Variants in LRRC8D observed in about 807,000 individuals in gnomAD.
The protein encoded by LRRC8D is volume-regulated anion channel subunit LRRC8D.
A neutral mutation model predicts 55.8 loss-of-function variants in LRRC8D; 20 were observed. The ratio of observed to expected loss-of-function variants is 0.36; its 90% confidence interval spans 0.25 to 0.52. LRRC8D has a LOEUF of 0.52. Among genes scored for constraint, LRRC8D ranks in the 20% least tolerant of loss-of-function variants. The pLI, the probability that LRRC8D is intolerant of heterozygous loss-of-function variation, is 0.93. For synonymous variants in LRRC8D, 352 were observed against 377.0 expected (o/e 0.93, Z 0.77); for missense variants, 651 against 1,030.8 (o/e 0.63, Z 5.05).
At chr1:89,844,015 G>A (rs1570813046) in intron 2 of LRRC8D, among the ~76,000 whole-genome samples, 1 of 152,244 alleles carries the variant, frequency 6.6e-6, no homozygotes, top group African/African-American at 2.4e-5. Context: ...ACTCCACTAG[G>A]GCGCTTTCCA....
At chr1:89,928,576 T>C (rs147456413) in intron 2 of LRRC8D, among the ~76,000 whole-genome samples, 238 of 152,284 alleles carry the variant, frequency 1.6e-3, no homozygotes, top group Non-Finnish European at 2.8e-3. Flanking sequence ...GGAGTGGTCA[T>C]GTGCTGTCTG....
intron 1 of LRRC8D, among the ~76,000 whole-genome samples, chr1:89,825,502 G>A (rs547666978): frequency 2.0e-5 from 3 of 152,154 alleles, no homozygotes; most frequent in Non-Finnish European, 4.4e-5. Context: ...TTTGAAATTT[G>A]TGAGAAGATA....
chr1:89,877,129 A>C (rs1438020777), intron 2 of LRRC8D, among the ~76,000 whole-genome samples: 1 of 152,254 alleles, frequency 6.6e-6, no homozygotes, highest in Non-Finnish European at 1.5e-5. Flanking sequence ...AAATATGACA[A>C]GGGTCTGCTT....
intron 2 of LRRC8D, among the ~76,000 whole-genome samples, chr1:89,916,291 C>T (rs1255371907): frequency 6.6e-6 from 1 of 152,166 alleles, no homozygotes; most frequent in East Asian, 1.9e-4. Flanking sequence ...TTGTTATTTT[C>T]ATAAGAGCTG....
chr1:89,863,815 A>G (rs193066424), intron 2 of LRRC8D, among the ~76,000 whole-genome samples: 310 of 152,302 alleles, frequency 2.0e-3, no homozygotes, highest in Non-Finnish European at 3.1e-3. Context: ...GTTTTTAAGT[A>G]CTTTTGAAAT....
intron 2 of LRRC8D, among the ~76,000 whole-genome samples, chr1:89,920,008 G>A (rs1431623951): frequency 1.3e-5 from 2 of 152,250 alleles, no homozygotes; most frequent in Middle Eastern, 6.8e-3. Context: ...AGATTGTATG[G>A]AATAAAATGT....
At chr1:89,841,663 C>T (rs1041585063) in intron 1 of LRRC8D, among the ~76,000 whole-genome samples, 15 of 152,156 alleles carry the variant, frequency 9.9e-5, no homozygotes, top group Non-Finnish European at 1.9e-4. Context: ...ACTGGACAGA[C>T]TTTGTACCTT....
At chr1:89,848,245 G>C (rs1273955506) in intron 2 of LRRC8D, among the ~76,000 whole-genome samples, 1 of 152,130 alleles carries the variant, frequency 6.6e-6, no homozygotes, top group East Asian at 1.9e-4. Flanking sequence ...TGCCTTCCCT[G>C]TTTTTGTAGA....
At chr1:89,822,693 G>T (rs779032799) in intron 1 of LRRC8D, among the ~76,000 whole-genome samples, 7 of 152,256 alleles carry the variant, frequency 4.6e-5, no homozygotes, top group Non-Finnish European at 1.0e-4. Context: ...GAATGAGAGT[G>T]ATCAGACCTT....
At chr1:89,856,051 T>C (rs995036689) in intron 2 of LRRC8D, among the ~76,000 whole-genome samples, 1 of 152,092 alleles carries the variant, frequency 6.6e-6, no homozygotes, top group African/African-American at 2.4e-5. Context: ...CTTAGCCTAA[T>C]GTGACTATCT....
chr1:89,934,333 T>TG lies in LRRC8D; in HGVS notation c.1267dup (p.Val423GlyfsTer5). 1 of 1,613,952 alleles carries TG rather than the reference T, an allele frequency of 6.2e-7. No homozygotes were observed. Among genetic ancestry groups the TG allele is most frequent in the Non-Finnish European group, 8.5e-7 (1 of 1,179,918 alleles). ...AACGATTTTGCGTTCCTTCTTCACA[T>TG]GGTAGACCAGTATGACCAGCTATAT... is the stretch of plus-strand genomic sequence containing the variant. On this transcript the variant is annotated frameshift_variant, in exon 3 of 3. Transcript: ENST00000337338. LOFTEE classifies it high-confidence loss of function. This position sits in a 1 kb window ranked among gnomAD's most constrained non-coding sequence, Gnocchi z 5.9.
chr1:89,834,202 A>G (rs1026395867), intron 1 of LRRC8D, among the ~76,000 whole-genome samples: 5 of 152,236 alleles, frequency 3.3e-5, no homozygotes, highest in African/African-American at 1.2e-4. Context: ...ACTTTAAGAA[A>G]TCACTTAACA....
intron 2 of LRRC8D, among the ~76,000 whole-genome samples, chr1:89,869,482 A>G (rs1404285047): frequency 6.6e-6 from 1 of 152,206 alleles, no homozygotes; most frequent in Non-Finnish European, 1.5e-5. Context: ...TCTATGTTTG[A>G]TTGGTGTACA....
intron 1 of LRRC8D, among the ~76,000 whole-genome samples, chr1:89,824,499 T>TA (rs1660718863): frequency 6.6e-6 from 1 of 152,242 alleles, no homozygotes; most frequent in Non-Finnish European, 1.5e-5. Context: ...AGGTAACTTT[T>TA]GTTTAACCCC....
chr1:89,829,563 T>C (rs1032434616), intron 1 of LRRC8D, among the ~76,000 whole-genome samples: 5 of 152,260 alleles, frequency 3.3e-5, no homozygotes, highest in Admixed American at 3.3e-4. Flanking sequence ...CACATTTCTT[T>C]GTATTTATTT....
rs538902496 is a variant in LRRC8D at position 89,850,918 on chromosome 1, A to G, written c.-3+7136A>G. On this transcript the variant is annotated intron_variant, in intron 2 of 2. Coordinates refer to ENST00000337338, the MANE Select transcript of LRRC8D (RefSeq NM_001134479.2). ...TCCTTGCCCTTATTTGTATGTGTTAACTTTTTGCAGCTACACATTTTCTAA... is the reference window on the plus strand; with the variant it reads ...TCCTTGCCCTTATTTGTATGTGTTAGCTTTTTGCAGCTACACATTTTCTAA... Among the ~76,000 whole-genome samples, 8 of 152,260 alleles carry G rather than the reference A, an allele frequency of 5.3e-5. No homozygotes were observed. The East Asian group carries it at 1.5e-3, about 29-fold the overall frequency.
At chr1:89,843,837 A>G in intron 2 of LRRC8D, 55 bp downstream of exon 2, 1 of 611,342 alleles carries the variant, frequency 1.6e-6, no homozygotes, top group Non-Finnish European at 3.0e-6. Context: ...TGCGGCACGG[A>G]GCACTGCTAG....
At position 89,911,972 on chromosome 1, in the gene LRRC8D, C is replaced by T. The variant is rs529019040; in HGVS notation, c.-2-21095C>T. On this transcript the variant is annotated intron_variant, in intron 2 of 2. Coordinates refer to ENST00000337338, the MANE Select transcript of LRRC8D (RefSeq NM_001134479.2). The surrounding 1 kb of genome is among the most constrained non-coding windows in gnomAD (Gnocchi z 4.0). ...AATGCTAGTGATCCCCTGGATTCTGCCATTGGCCTTTTTTCTCTGTGTATG... is the reference window on the plus strand; with the variant it reads ...AATGCTAGTGATCCCCTGGATTCTGTCATTGGCCTTTTTTCTCTGTGTATG... Among the ~76,000 whole-genome samples, 2 of 152,214 alleles carry T rather than the reference C, an allele frequency of 1.3e-5. No homozygotes were observed.
chr1:89,847,423 A>C (rs1038246045), intron 2 of LRRC8D, among the ~76,000 whole-genome samples: 6 of 152,288 alleles, frequency 3.9e-5, no homozygotes, highest in Admixed American at 3.3e-4. Flanking sequence ...GAATGAAATG[A>C]TACATGTATG....
Sources: gnomAD v4.1 joint callset for allele counts (sites outside exome capture counted in the v4.1 genomes callset) on GRCh38, gnomAD v4.1.1 for gene constraint, Gnocchi (gnomAD v3.1) non-coding constraint, MANE v1.5 for transcripts, NCBI Gene and HGNC (gene_info 2026-07-23, HGNC 2026-07-21) for gene names.